Variants in RASAL2 observed in about 807,000 individuals in gnomAD.
RASAL2 encodes the protein ras GTPase-activating protein nGAP.
A neutral mutation model predicts 128.9 loss-of-function variants in RASAL2; 58 were observed. That is an observed-to-expected ratio of 0.45 (90% CI 0.36 to 0.56). The LOEUF is 0.56. Ranked by LOEUF, RASAL2 falls within the 20% of genes least tolerant of loss-of-function variation. The probability of loss-of-function intolerance (pLI) is 0.00; values close to 1 mark genes in which losing one functional copy is unlikely to be tolerated. For synonymous variants in RASAL2, 561 were observed against 580.8 expected, an observed-to-expected ratio of 0.97 and a Z score of 0.49; for missense variants, 1,360 against 1,601.6, an observed-to-expected ratio of 0.85 and a Z score of 2.57.
Position 178,373,684 on chromosome 1 carries a change from G to T in RASAL2, c.458-16416G>T, listed in dbSNP as rs6667482. On this transcript the variant is annotated intron_variant, in intron 3 of 17. Coordinates refer to ENST00000367649, the MANE Select transcript of RASAL2 (RefSeq NM_170692.4). ...ATAAATTTATTTATCTCCTGTTTTT[G>T]TGGGGAAGGCATTATCCTACTATAC... Among the ~76,000 whole-genome samples, 671 of 151,948 alleles carry T rather than the reference G, an allele frequency of 4.4e-3. 15 individuals carry two copies. Among genetic ancestry groups the T allele is most frequent in the African/African-American group, 0.016 (645 of 41,466 alleles).
At chr1:178,469,940 G>A (rs1335037900) in intron 17 of RASAL2, among the ~76,000 whole-genome samples, 2 of 152,210 alleles carry the variant, frequency 1.3e-5, no homozygotes, top group Non-Finnish European at 2.9e-5. Context: ...TCTGCACCAT[G>A]CATAGCACAA....
At chr1:178,242,349 A>G (rs1035085191) in intron 1 of RASAL2, among the ~76,000 whole-genome samples, 6 of 151,888 alleles carry the variant, frequency 4.0e-5, no homozygotes, top group Non-Finnish European at 8.8e-5. Flanking sequence ...CTTTTAACAT[A>G]TCTTTTCTCT....
intron 1 of RASAL2, among the ~76,000 whole-genome samples, chr1:178,261,647 C>T (rs1437554715): frequency 6.6e-6 from 1 of 152,004 alleles, no homozygotes; most frequent in Non-Finnish European, 1.5e-5. Flanking sequence ...GTTGGATGGG[C>T]GTGGTGACTC....
At chr1:178,102,692 AAT>A (rs1202565350) in intron 1 of RASAL2, among the ~76,000 whole-genome samples, 2 of 151,930 alleles carry the variant, frequency 1.3e-5, no homozygotes, top group Non-Finnish European at 2.9e-5. Context: ...CATTTTTTTA[AAT>A]ATGTTATTTA....
chr1:178,444,292 C>T (rs1335518382), intron 8 of RASAL2, among the ~76,000 whole-genome samples: 2 of 151,986 alleles, frequency 1.3e-5, no homozygotes, highest in South Asian at 2.1e-4. Context: ...AAGCTTTGAC[C>T]GATTTTGCAC....
intron 1 of RASAL2, among the ~76,000 whole-genome samples, chr1:178,182,054 A>G (rs1662131862): frequency 6.6e-6 from 1 of 152,204 alleles, no homozygotes; most frequent in African/African-American, 2.4e-5. Flanking sequence ...CCTTGAGGGT[A>G]GAGTGTCTAC....
At chr1:178,344,877 G>A (rs570431368) in intron 3 of RASAL2, among the ~76,000 whole-genome samples, 62 of 152,188 alleles carry the variant, frequency 4.1e-4, no homozygotes, top group African/African-American at 1.4e-3. Context: ...TCTTTTAGCC[G>A]GGGTTATTTT....
At chr1:178,427,670 A>G (rs1472588062) in intron 5 of RASAL2, among the ~76,000 whole-genome samples, 1 of 152,114 alleles carries the variant, frequency 6.6e-6, no homozygotes, top group Admixed American at 6.6e-5. Flanking sequence ...GCTTTCCCCA[A>G]TAGTGAGGTC....
chr1:178,384,863 A>C (rs12048834), intron 3 of RASAL2, among the ~76,000 whole-genome samples: 1 of 152,102 alleles, frequency 6.6e-6, no homozygotes, highest in Admixed American at 6.6e-5. Context: ...TCTAAAAATG[A>C]TAGACATTAT....
intron 1 of RASAL2, 24 bp from the exon 2 acceptor site, chr1:178,283,540 T>C: frequency 6.2e-7 from 1 of 1,600,308 alleles, no homozygotes; most frequent in African/African-American, 1.3e-5. Flanking sequence ...TTTGTCACTT[T>C]TGTTTTTCCC....
At chr1:178,364,309 A>T (rs1671286264) in intron 3 of RASAL2, among the ~76,000 whole-genome samples, 1 of 152,194 alleles carries the variant, frequency 6.6e-6, no homozygotes. Context: ...TCCAATATGG[A>T]ATGTAGTTCT....
At chr1:178,381,338 C>A (rs920510514) in intron 3 of RASAL2, among the ~76,000 whole-genome samples, 1 of 152,028 alleles carries the variant, frequency 6.6e-6, no homozygotes, top group South Asian at 2.1e-4. Flanking sequence ...ATAAAAAGCC[C>A]TAGATTAGGA....
chr1:178,232,243 A>G (rs1664040244), intron 1 of RASAL2, among the ~76,000 whole-genome samples: 1 of 152,200 alleles, frequency 6.6e-6, no homozygotes, highest in African/African-American at 2.4e-5. Context: ...GAACTTAACC[A>G]GCAAAAACTT....
intron 6 of RASAL2, among the ~76,000 whole-genome samples, chr1:178,439,996 T>A (rs567866790): frequency 3.3e-5 from 5 of 150,298 alleles, no homozygotes; most frequent in African/African-American, 5.0e-5. Flanking sequence ...CATCCATCCA[T>A]CCATCCATCC....
chr1:178,453,306 G>C (rs1572102527), intron 11 of RASAL2, among the ~76,000 whole-genome samples: 1 of 151,770 alleles, frequency 6.6e-6, no homozygotes, highest in African/African-American at 2.4e-5. Flanking sequence ...AATAGCATTG[G>C]TTTATGTAAG....
intron 1 of RASAL2, among the ~76,000 whole-genome samples, chr1:178,229,785 G>C (rs986083224): frequency 6.6e-6 from 1 of 152,130 alleles, no homozygotes; most frequent in African/African-American, 2.4e-5. Context: ...ACTAGATAGA[G>C]TTCAGTGTTG....
Position 178,134,328 on chromosome 1 carries a change from A to G in RASAL2, c.202+39634A>G, listed in dbSNP as rs1324390227. On this transcript the variant is annotated intron_variant, in intron 1 of 17. Transcript: ENST00000367649. Reference sequence around the variant, plus strand: ...TTTGGGTAATCTCAGGACATGGCCTAGAGTGAGTAGTCCCAGCTACTTGGG... The same window carrying G: ...TTTGGGTAATCTCAGGACATGGCCTGGAGTGAGTAGTCCCAGCTACTTGGG... Among the ~76,000 whole-genome samples, 3 of 151,868 alleles carry G rather than the reference A, an allele frequency of 2.0e-5. No individual in the cohort carries two copies. The East Asian group carries it at 5.8e-4, about 29-fold the overall frequency.
chr1:178,472,969 C>A, intron 17 of RASAL2, 106 bp from the exon 18 acceptor site: 1 of 1,304,690 alleles, frequency 7.7e-7, no homozygotes, highest in Non-Finnish European at 1.1e-6. Context: ...TGGGAAGCAC[C>A]ATGCATACAA....
In RASAL2 at chr1:178,283,711, G is replaced by T. The variant is rs1417875881; in HGVS notation, c.330+20G>T. ...AAGGAGGTGAGATGGATATTATTCA[G>T]GAAAGTTAGTTTCCTTTTCTGAGTA... On this transcript the variant is annotated intron_variant, in intron 2 of 17. Coordinates refer to ENST00000367649, the MANE Select transcript of RASAL2 (RefSeq NM_170692.4). 6.2e-7 allele frequency: 1 copy of T among 1,606,940 alleles called. No individual in the cohort carries two copies.
Sources: gnomAD v4.1 joint callset for allele counts (sites outside exome capture counted in the v4.1 genomes callset) on GRCh38, gnomAD v4.1.1 for gene constraint, MANE v1.5 for transcripts, NCBI Gene and HGNC (gene_info 2026-07-23, HGNC 2026-07-21) for gene names.